TRPV4: variants seen among roughly 807,000 people sequenced by gnomAD.
TRPV4 encodes OSM9-like transient receptor potential channel 4.
A neutral mutation model predicts 84.1 loss-of-function variants in TRPV4; 58 were observed. That is an observed-to-expected ratio of 0.69 (90% CI 0.56 to 0.86). The LOEUF is 0.86. Among genes scored for constraint, TRPV4 ranks in the 40% least tolerant of loss-of-function variants. TRPV4 has a pLI of 0.00. For missense variants in TRPV4, 879 were observed against 1,181.1 expected, an observed-to-expected ratio of 0.74 and a Z score of 3.75; for synonymous variants, 489 against 500.9, an observed-to-expected ratio of 0.98 and a Z score of 0.32.
At chr12:109,810,924 T>G (rs1891478029) in intron 2 of TRPV4, among the ~76,000 whole-genome samples, 1 of 152,152 alleles carries the variant, frequency 6.6e-6, no homozygotes, top group African/African-American at 2.4e-5. Context: ...ATGGGAACAC[T>G]GGGCACTCTG....
rs751605215 is a variant in TRPV4 at position 109,783,613 on chromosome 12, T to G, written c.*8A>C. The G allele has an allele frequency of 6.9e-5, 112 of 1,611,674 alleles. 1 individual carries two copies. Among genetic ancestry groups the G allele is most frequent in the Non-Finnish European group, 9.0e-5 (106 of 1,178,598 alleles). On this transcript the variant is annotated 3_prime_UTR_variant, in exon 16 of 16. Coordinates refer to ENST00000261740, the MANE Select transcript of TRPV4 (RefSeq NM_021625.5). This position sits in a 1 kb window ranked among gnomAD's most constrained non-coding sequence, Gnocchi z 4.6. Reference sequence around the variant, plus strand: ...GTGGGCAGAGAAGCTGGGGCTGGGCTGCAGTCCCTAGAGCGGGGCGTCATC... The same window carrying G: ...GTGGGCAGAGAAGCTGGGGCTGGGCGGCAGTCCCTAGAGCGGGGCGTCATC...
In TRPV4 at chr12:109,802,978, C is replaced by T. The variant is rs1890896739; in HGVS notation, c.712+13G>A. Reference sequence around the variant, plus strand: ...CAGCCCCCGTGGCACCCCTGCCCAGCCCGGGGCCCCACCTCGATAGTAGAT... The same window carrying T: ...CAGCCCCCGTGGCACCCCTGCCCAGTCCGGGGCCCCACCTCGATAGTAGAT... On this transcript the variant is annotated intron_variant, in intron 4 of 15. Transcript: ENST00000261740. The T allele has an allele frequency of 6.2e-7, 1 of 1,613,428 alleles. No homozygotes were observed. The highest frequency in any genetic ancestry group is 8.5e-7 in the Non-Finnish European group (1 of 1,179,924).
chr12:109,814,644 C>T lies in TRPV4; in HGVS notation c.153G>A (p.Pro51=), dbSNP rs577306678. The change falls in exon 2 of 16, where the codon CCG becomes CCA. Residue 51 remains proline, a synonymous_variant. Coordinates refer to ENST00000261740, the MANE Select transcript of TRPV4 (RefSeq NM_021625.5). The surrounding 1 kb of genome is among the most constrained non-coding windows in gnomAD (Gnocchi z 5.4). ...EGEDGSLSPS[P]ADASRPAGPG... is the part of the protein sequence containing the mutation. ...GGCCAGCAGGGCGACTGGCATCAGC[C>T]GGTGAGGGCGAAAGGGAGCCATCCT... The T allele has an allele frequency of 3.0e-5, 48 of 1,613,604 alleles. No homozygotes were observed. Among genetic ancestry groups the T allele is most frequent in the African/African-American group, 9.3e-5 (7 of 74,934 alleles).
intron 12 of TRPV4, among the ~76,000 whole-genome samples, chr12:109,790,750 G>A (rs191199374): frequency 7.0e-4 from 106 of 152,114 alleles, no homozygotes; most frequent in African/African-American, 1.9e-3. Flanking sequence ...AAGAAGTGGC[G>A]TCTATTTCCC....
chr12:109,825,456 G>A (rs1162787735), intron 1 of TRPV4, among the ~76,000 whole-genome samples: 1 of 152,090 alleles, frequency 6.6e-6, no homozygotes, highest in Non-Finnish European at 1.5e-5. Flanking sequence ...TGGCTGCTTT[G>A]CCATTCTTGC....
intron 1 of TRPV4, among the ~76,000 whole-genome samples, chr12:109,824,938 G>A (rs915582317): frequency 8.6e-5 from 13 of 152,012 alleles, no homozygotes; most frequent in African/African-American, 2.9e-4. Context: ...CTCATCTCTG[G>A]GCCTTGGTTT....
chr12:109,806,367 T>TC (rs1891126944), intron 3 of TRPV4, among the ~76,000 whole-genome samples: 1 of 144,344 alleles, frequency 6.9e-6, no homozygotes, highest in Admixed American at 6.8e-5. Flanking sequence ...GCTTTTTTTT[T>TC]TTTTTTTTTG....
At chr12:109,785,020 A>AT (rs1168910466) in intron 14 of TRPV4, among the ~76,000 whole-genome samples, 1 of 151,768 alleles carries the variant, frequency 6.6e-6, no homozygotes, top group East Asian at 1.9e-4. Flanking sequence ...AGCAGAAATT[A>AT]TTTTTTTTAA....
At chr12:109,803,259 C>G in intron 3 of TRPV4, 116 bp from the exon 4 acceptor site, 1 of 1,231,526 alleles carries the variant, frequency 8.1e-7, no homozygotes, top group Middle Eastern at 1.9e-4. Context: ...TCAACATCTC[C>G]TCTCCAAGCC....
At position 109,796,752 on chromosome 12, in the gene TRPV4, C is replaced by A; in HGVS notation, c.1153-48G>T. On this transcript the variant is annotated intron_variant, in intron 6 of 15. Transcript: ENST00000261740. This position sits in a 1 kb window ranked among gnomAD's most constrained non-coding sequence, Gnocchi z 4.2. Reference sequence around the variant, plus strand: ...CAGGGGGCTCACACTGGAAAGACCCCCAGGGCTGGGCCCAGCTCAGCACAT... The same window carrying A: ...CAGGGGGCTCACACTGGAAAGACCCACAGGGCTGGGCCCAGCTCAGCACAT... The A allele has an allele frequency of 6.4e-7, 1 of 1,573,876 alleles. No individual in the cohort carries two copies. Among genetic ancestry groups the A allele is most frequent in the South Asian group, 1.2e-5 (1 of 84,986 alleles).
intron 14 of TRPV4, among the ~76,000 whole-genome samples, chr12:109,784,860 C>CGTGTGTGT (rs58584964): frequency 0.01 from 1,263 of 123,766 alleles, 15 homozygotes; most frequent in African/African-American, 0.037. Flanking sequence ...AAAAAAAAGA[C>CGTGTGTGT]GTGTGTGTGT....
chr12:109,822,830 T>G (rs907181855), intron 1 of TRPV4, among the ~76,000 whole-genome samples: 2 of 152,164 alleles, frequency 1.3e-5, no homozygotes, highest in South Asian at 4.1e-4. Context: ...AGATAAAGCA[T>G]GCAAAACACT....
At chr12:109,805,016 G>A (rs1342387871) in intron 3 of TRPV4, among the ~76,000 whole-genome samples, 1 of 152,190 alleles carries the variant, frequency 6.6e-6, no homozygotes, top group African/African-American at 2.4e-5. Context: ...ACCTCCTCCA[G>A]GAAGCTCTCC....
At chr12:109,788,302 C>T in intron 13 of TRPV4, 98 bp downstream of exon 13, 4 of 1,193,408 alleles carry the variant, frequency 3.4e-6, no homozygotes, top group East Asian at 5.1e-5. Context: ...GAAGACACTG[C>T]TTGCTCAGAG....
chr12:109,829,698 T>A (rs1892360458), intron 1 of TRPV4, among the ~76,000 whole-genome samples: 1 of 151,944 alleles, frequency 6.6e-6, no homozygotes, highest in Non-Finnish European at 1.5e-5. Context: ...GGGATGAGAG[T>A]CCCTTTGACA....
chr12:109,784,334 C>T lies in TRPV4; in HGVS notation c.2440G>A (p.Val814Met), dbSNP rs202075458. 1.1e-5 allele frequency: 18 copies of T among 1,614,170 alleles called. No individual in the cohort carries two copies. Among genetic ancestry groups the T allele is most frequent in the Non-Finnish European group, 5.1e-6 (6 of 1,180,038 alleles). The change falls in exon 15 of 16, where the codon GTG becomes ATG. Residue 814 changes from valine (V) to methionine (M), a missense_variant. Val to Met is a conservative substitution (Grantham distance 21). This residue lies in a region of TRPV4 where 242 missense variants were observed against 355.3 expected (regional missense o/e 0.68). Transcript: ENST00000261740. ...TYQYYGFSHT[V>M]GRLRRDRWSS... ...CACTCACCCCTGCGGAGGCGGCCCA[C>T]GGTATGCGAGAAGCCATAATACTGG... is the stretch of plus-strand genomic sequence containing the variant.
rs762000967 is a variant in TRPV4 at position 109,794,004 on chromosome 12, T to C, written c.1510A>G (p.Thr504Ala). 6.8e-6 allele frequency: 11 copies of C among 1,608,762 alleles called. No homozygotes were observed. The Admixed American group carries it at 1.5e-4, about 22-fold the overall frequency. ...LEGTPPYPYR[T>A]TVDYLRLAGE... ...GCCAGCCGCAGGTAGTCCACCGTGG[T>C]GCGGTAAGGGTACGGCGGCTGGGGA... Residue 504 changes from threonine (T) to alanine (A), a missense_variant, in exon 9 of 16, where the codon ACC (threonine) becomes GCC (alanine). By Grantham distance (58) the Thr-to-Ala change is moderately conservative. Coordinates refer to ENST00000261740, the MANE Select transcript of TRPV4 (RefSeq NM_021625.5).
At chr12:109,790,475 G>A (rs2136453536) in intron 12 of TRPV4, among the ~76,000 whole-genome samples, 1 of 152,326 alleles carries the variant, frequency 6.6e-6, no homozygotes, top group East Asian at 1.9e-4. Flanking sequence ...GGTATATCAA[G>A]GGAGCTGATG....
intron 10 of TRPV4, 146 bp from the exon 11 acceptor site, chr12:109,792,963 G>T: frequency 1.3e-6 from 1 of 763,830 alleles, no homozygotes; most frequent in Non-Finnish European, 2.1e-6. Flanking sequence ...AAGTGGATTA[G>T]CAGGGTTCCC....
Sources: gnomAD v4.1 joint callset for allele counts (sites outside exome capture counted in the v4.1 genomes callset) on GRCh38, gnomAD v4.1.1 for gene constraint, gnomAD v4.1.1 regional missense constraint, Gnocchi (gnomAD v3.1) non-coding constraint, MANE v1.5 for transcripts, NCBI Gene and HGNC (gene_info 2026-07-23, HGNC 2026-07-21) for gene names.